Variants in GLIS3 observed in about 807,000 individuals in gnomAD.
The protein encoded by GLIS3 is GLIS family zinc finger 3.
A neutral mutation model predicts 78.6 loss-of-function variants in GLIS3; 53 were observed. That is an observed-to-expected ratio of 0.67 (90% CI 0.54 to 0.85). The LOEUF is 0.85. GLIS3 is among the 40% of genes least tolerant of loss of function. The probability of loss-of-function intolerance (pLI) is 0.00; values close to 1 mark genes in which losing one functional copy is unlikely to be tolerated. For synonymous variants in GLIS3, 684 were observed against 509.9 expected, an observed-to-expected ratio of 1.34 and a Z score of -4.60; for missense variants, 1,703 against 1,231.1, an observed-to-expected ratio of 1.38 and a Z score of -5.74.
intron 2 of GLIS3, among the ~76,000 whole-genome samples, chr9:4,181,471 G>T (rs1156264973): frequency 6.6e-6 from 1 of 152,160 alleles, no homozygotes; most frequent in Non-Finnish European, 1.5e-5. Flanking sequence ...ACACAGAGGG[G>T]TGGGACCCAA....
At chr9:4,423,337 G>C in the GLIS3 span, among the ~76,000 whole-genome samples, 6 of 152,094 alleles carry the variant, frequency 3.9e-5, no homozygotes, top group Non-Finnish European at 8.8e-5. Context: ...CCTCTGAGTT[G>C]CATCTTAGTC....
rs183563532 is a variant in GLIS3, at chr9:4,160,921, G to C, written c.389-34980C>G. Among the ~76,000 whole-genome samples, 6 of 152,172 alleles carry C rather than the reference G, an allele frequency of 3.9e-5. No homozygotes were observed. In the East Asian group the frequency reaches 1.2e-3, roughly 29 times the overall value. On this transcript the variant is annotated intron_variant, in intron 2 of 10. Coordinates refer to ENST00000381971, the MANE Select transcript of GLIS3 (RefSeq NM_001042413.2). ...TATTGGTAATCACTGCAGTCTAGAG[G>C]ATACTGCTTTTATGAAAGTCAAATT... is the stretch of plus-strand genomic sequence containing the variant.
At chr9:4,048,806 G>A (rs1293136904) in intron 4 of GLIS3, among the ~76,000 whole-genome samples, 1 of 152,158 alleles carries the variant, frequency 6.6e-6, no homozygotes, top group Admixed American at 6.5e-5. Context: ...TAGGATTCCT[G>A]CACAAATATC....
intron 4 of GLIS3, among the ~76,000 whole-genome samples, chr9:3,941,886 T>C (rs1191727198): frequency 6.6e-6 from 1 of 152,248 alleles, no homozygotes; most frequent in Non-Finnish European, 1.5e-5. Context: ...AACTGGACTG[T>C]AATCACCATC....
intron 4 of GLIS3, among the ~76,000 whole-genome samples, chr9:3,968,181 T>G (rs1331643650): frequency 6.6e-6 from 1 of 152,210 alleles, no homozygotes; most frequent in Non-Finnish European, 1.5e-5. Flanking sequence ...GGTGAAGACC[T>G]TGGCAGCATG....
chr9:3,967,010 G>GAAA (rs1563901200), intron 4 of GLIS3, among the ~76,000 whole-genome samples: 27 of 27,848 alleles, frequency 9.7e-4, no homozygotes, highest in East Asian at 2.7e-3. Context: ...ATTTCTTTCT[G>GAAA]CAAAAAAAAA....
chr9:3,887,323 A>G (rs1432334697), intron 7 of GLIS3, among the ~76,000 whole-genome samples: 8 of 152,228 alleles, frequency 5.3e-5, no homozygotes, highest in African/African-American at 1.9e-4. Flanking sequence ...AGACAAAGGA[A>G]ACATATTCAT....
chr9:4,059,974 C>A (rs1335294631), intron 4 of GLIS3, among the ~76,000 whole-genome samples: 1 of 152,016 alleles, frequency 6.6e-6, no homozygotes, highest in Non-Finnish European at 1.5e-5. Flanking sequence ...CAACTTTCTA[C>A]ACATGTTGAA....
the GLIS3 span, among the ~76,000 whole-genome samples, chr9:4,416,564 C>G: frequency 1.3e-5 from 2 of 151,920 alleles, no homozygotes; most frequent in African/African-American, 4.8e-5. Context: ...TGTCATATTT[C>G]TTTCTAAATT....
chr9:4,267,449 A>G (rs760066434), intron 2 of GLIS3, among the ~76,000 whole-genome samples: 3 of 152,222 alleles, frequency 2.0e-5, no homozygotes, highest in Admixed American at 6.5e-5. Flanking sequence ...CTGGATGTAG[A>G]AAAATATGAA....
chr9:3,841,534 C>T (rs973308207), intron 9 of GLIS3, among the ~76,000 whole-genome samples: 30 of 152,190 alleles, frequency 2.0e-4, no homozygotes, highest in Non-Finnish European at 3.5e-4. Context: ...GGATTCAGTG[C>T]CCAGCTACCC....
chr9:4,288,114 G>A (rs1828153412), intron 1 of GLIS3, among the ~76,000 whole-genome samples: 1 of 152,128 alleles, frequency 6.6e-6, no homozygotes, highest in African/African-American at 2.4e-5. Context: ...AAATTCCAAT[G>A]CTTTTTATGG....
intron 4 of GLIS3, among the ~76,000 whole-genome samples, chr9:4,063,797 G>C (rs942832705): frequency 6.6e-6 from 1 of 152,086 alleles, no homozygotes; most frequent in Non-Finnish European, 1.5e-5. Flanking sequence ...AATCATCATA[G>C]AAAAATAACC....
At chr9:4,423,487 A>G in the GLIS3 span, among the ~76,000 whole-genome samples, 6 of 152,218 alleles carry the variant, frequency 3.9e-5, no homozygotes, top group Non-Finnish European at 8.8e-5. Context: ...CTCTTTCCCA[A>G]TGAAAAATGA....
chr9:3,828,273 T>C lies in GLIS3; in HGVS notation c.2792A>G (p.Ter931=). 6.2e-7 allele frequency: 1 copy of C among 1,614,084 alleles called. No homozygotes were observed. The highest frequency in any genetic ancestry group is 8.5e-7 in the Non-Finnish European group (1 of 1,180,000). ...SQLSSVYTEG[*] is the part of the protein sequence containing the mutation. ...GTGCAGGAGTGGCCAAGAGAGCTTT[T>C]AGCCTTCGGTGTAGACAGAGGAGAG... The change falls in exon 11 of 11, where the codon TAA becomes TGA. Residue 931 remains the stop codon, a stop_retained_variant. Coordinates refer to ENST00000381971, the MANE Select transcript of GLIS3 (RefSeq NM_001042413.2).
chr9:4,292,468 AC>A (rs1816087121), intron 1 of GLIS3, among the ~76,000 whole-genome samples: 2 of 152,226 alleles, frequency 1.3e-5, no homozygotes, highest in Admixed American at 6.5e-5. Flanking sequence ...CTACCCAAGT[AC>A]TTACCAAGAA....
chr9:4,123,297 C>T (rs1436308097), intron 3 of GLIS3, among the ~76,000 whole-genome samples: 1 of 152,062 alleles, frequency 6.6e-6, no homozygotes, highest in Non-Finnish European at 1.5e-5. Context: ...TATTAGAAAA[C>T]AGGCACTCTC....
chr9:4,296,611 C>T (rs906172073), intron 1 of GLIS3, among the ~76,000 whole-genome samples: 2 of 152,230 alleles, frequency 1.3e-5, no homozygotes, highest in East Asian at 3.9e-4. Flanking sequence ...AGGGGATCAA[C>T]GATGCTGTCC....
chr9:4,292,197 T>C (rs1402796950), intron 1 of GLIS3, among the ~76,000 whole-genome samples: 10 of 152,192 alleles, frequency 6.6e-5, no homozygotes, highest in Admixed American at 2.6e-4. Flanking sequence ...TTGCAATTCA[T>C]TGGTGGTCCA....
Sources: gnomAD v4.1 joint callset for allele counts (sites outside exome capture counted in the v4.1 genomes callset) on GRCh38, gnomAD v4.1.1 for gene constraint, MANE v1.5 for transcripts, NCBI Gene and HGNC (gene_info 2026-07-23, HGNC 2026-07-21) for gene names.